FEZ2: variants seen among roughly 807,000 people sequenced by gnomAD.
FEZ2 encodes fasciculation and elongation protein zeta 2, also known as fasciculation and elongation protein zeta-2.
Under a neutral mutation model 40.4 loss-of-function variants are expected in FEZ2, and 51 were observed. That is an observed-to-expected ratio of 1.26 (90% CI 1.01 to 1.59). The LOEUF (loss-of-function observed/expected upper bound fraction) is 1.59, where lower values mean the gene tolerates loss of function less well. FEZ2 is among the 40% of genes most tolerant of loss of function. The probability of loss-of-function intolerance (pLI) is 0.00; values close to 1 mark genes in which losing one functional copy is unlikely to be tolerated. For synonymous variants in FEZ2, 242 were observed against 172.0 expected (o/e 1.41, Z -3.18); for missense variants, 640 against 438.3 (o/e 1.46, Z -4.11).
At chr2:36,564,456 A>G (rs747461281) in intron 5 of FEZ2, among the ~76,000 whole-genome samples, 1 of 152,192 alleles carries the variant, frequency 6.6e-6, no homozygotes, top group Non-Finnish European at 1.5e-5. Flanking sequence ...TTAGAGATTC[A>G]GAGTGAACAC....
At position 36,581,351 on chromosome 2, in the gene FEZ2, A is replaced by G. The variant is rs1668741437; in HGVS notation, c.573T>C (p.Leu191=). 2.5e-6 allele frequency: 4 copies of G among 1,613,640 alleles called. No individual in the cohort carries two copies. Among genetic ancestry groups the G allele is most frequent in the African/African-American group, 1.3e-5 (1 of 74,906 alleles). ...TTTGAATTTCCTGGGAAAGCATTGA[A>G]AGCCGATCTGACTGTGTAGGGGTTT... The part of the protein sequence containing the change: ...DDETPTQSDR[L]SMLSQEIQTL... The change falls in exon 4 of 8, where the codon CTT becomes CTC. Residue 191 remains leucine (L), a synonymous_variant. Transcript: ENST00000405912.
At position 36,580,139 on chromosome 2, in the gene FEZ2, C is replaced by G. The variant is rs1314333082; in HGVS notation, c.634+1151G>C. ...TATAAATTCCTGTTGTTTAAGCCAC[C>G]CACTCTGTGGTACTTTGTTCTGGCA... On this transcript the variant is annotated intron_variant, in intron 4 of 7. Transcript: ENST00000405912. Among the ~76,000 whole-genome samples, 2 of 152,168 alleles carry G rather than the reference C, an allele frequency of 1.3e-5. 1 individual carries two copies. Among genetic ancestry groups the G allele is most frequent in the Non-Finnish European group, 2.9e-5 (2 of 68,020 alleles).
At chr2:36,565,075 G>A (rs1379575633) in intron 5 of FEZ2, among the ~76,000 whole-genome samples, 1 of 152,166 alleles carries the variant, frequency 6.6e-6, no homozygotes, top group East Asian at 1.9e-4. Flanking sequence ...ATCTATGTTT[G>A]CCCTCGTCAA....
At chr2:36,575,506 G>C (rs1668543424) in intron 5 of FEZ2, among the ~76,000 whole-genome samples, 1 of 151,678 alleles carries the variant, frequency 6.6e-6, no homozygotes, top group Non-Finnish European at 1.5e-5. Context: ...AAGAACACCT[G>C]CCACAGGAAA....
chr2:36,579,124 T>C, intron 4 of FEZ2: 2 of 417,942 alleles, frequency 4.8e-6, no homozygotes, highest in South Asian at 5.4e-5. Flanking sequence ...CAAAAGTTTT[T>C]ACTTGTGCAA....
At chr2:36,553,600 A>G (rs1667879111) in intron 7 of FEZ2, among the ~76,000 whole-genome samples, 1 of 152,194 alleles carries the variant, frequency 6.6e-6, no homozygotes, top group Admixed American at 6.5e-5. Flanking sequence ...TACTACTGTC[A>G]AGGCAGCAGT....
intron 1 of FEZ2, among the ~76,000 whole-genome samples, chr2:36,592,290 T>C (rs1341697162): frequency 2.0e-5 from 3 of 152,110 alleles, no homozygotes; most frequent in Non-Finnish European, 4.4e-5. Context: ...TTTTTTTAAG[T>C]TCCGGGGTAC....
chr2:36,572,017 GAAAA>G (rs34787798), intron 5 of FEZ2, among the ~76,000 whole-genome samples: 64 of 110,110 alleles, frequency 5.8e-4, no homozygotes, highest in African/African-American at 1.9e-3. Flanking sequence ...TCCGTCTCAG[GAAAA>G]AAAAAAAAAA....
At chr2:36,555,774 GACA>G (rs762572178) in intron 6 of FEZ2, 26 bp from the exon 7 acceptor site, 42 of 1,388,272 alleles carry the variant, frequency 3.0e-5, no homozygotes, top group Admixed American at 1.3e-4. Context: ...GGGGAAAAAA[GACA>G]ACAATTAAAA....
At chr2:36,557,718 T>A (rs888410847) in intron 6 of FEZ2, 2 of 152,184 alleles carry the variant, frequency 1.3e-5, no homozygotes, top group Admixed American at 6.5e-5. Flanking sequence ...AGTTTTTCAA[T>A]GTAAGCAAAA....
At chr2:36,556,252 A>T (rs1285267702) in intron 6 of FEZ2, 2 of 220,614 alleles carry the variant, frequency 9.1e-6, no homozygotes, top group Non-Finnish European at 1.9e-5. Flanking sequence ...TGAAGAACAG[A>T]CTTCCATGAA....
In FEZ2 at chr2:36,580,429, C is replaced by G. The variant is rs187665101; in HGVS notation, c.634+861G>C. Among the ~76,000 whole-genome samples the G allele has an allele frequency of 2.3e-3, 344 of 152,304 alleles. 3 individuals are homozygous for G. Among genetic ancestry groups the G allele is most frequent in the African/African-American group, 7.9e-3 (330 of 41,568 alleles). On this transcript the variant is annotated intron_variant, in intron 4 of 7. Transcript: ENST00000405912. ...GAGCAGATACAGACCCCATCAGTGC[C>G]TATTCAAGGAAGGGACCAGTCATAT...
At chr2:36,578,509 C>T (rs995353588) in intron 5 of FEZ2, 88 bp downstream of exon 5, 2 of 1,370,548 alleles carry the variant, frequency 1.5e-6, no homozygotes, top group Non-Finnish European at 2.0e-6. Context: ...CCATGTACAA[C>T]CTGTCGCACC....
At chr2:36,596,716 C>T (rs1669235678) in intron 1 of FEZ2, among the ~76,000 whole-genome samples, 1 of 152,186 alleles carries the variant, frequency 6.6e-6, no homozygotes, top group Non-Finnish European at 1.5e-5. Context: ...CATCCTCCCA[C>T]CACAGCCTCT....
intron 5 of FEZ2, among the ~76,000 whole-genome samples, chr2:36,569,269 ATATTT>A (rs1255494326): frequency 6.6e-6 from 1 of 152,240 alleles, no homozygotes. Flanking sequence ...GGATAGAATA[ATATTT>A]TAGACACAAC....
intron 5 of FEZ2, among the ~76,000 whole-genome samples, chr2:36,572,655 G>T (rs1298180534): frequency 6.6e-6 from 1 of 152,166 alleles, no homozygotes; most frequent in Non-Finnish European, 1.5e-5. Context: ...TCATAAAACA[G>T]GTGAAGAGTT....
At chr2:36,566,004 A>C (rs1025266037) in intron 5 of FEZ2, among the ~76,000 whole-genome samples, 3 of 152,204 alleles carry the variant, frequency 2.0e-5, no homozygotes, top group African/African-American at 4.8e-5. Flanking sequence ...TTCATCATTC[A>C]ATCTGCAACC....
chr2:36,583,355 G>C lies in FEZ2; in HGVS notation c.490C>G (p.Gln164Glu). 6.6e-7 allele frequency: 1 copy of C among 1,520,024 alleles called. No homozygotes were observed. The highest frequency in any genetic ancestry group is 1.1e-5 in the South Asian group (1 of 89,270). The allele number at this position is 1,520,024 out of a possible 1,614,324, so 94.2% of individuals were successfully genotyped here. A position where few individuals can be genotyped will look rare whatever the true frequency, so the allele number is the denominator to read the frequency against. Residue 164 changes from glutamine to glutamate, a missense_variant and splice_region_variant, in exon 3 of 8, where the codon CAG (glutamine) becomes GAG (glutamate). Transcript: ENST00000405912. ...VNDEPLFTADQVIEEIEEMMQ... is the reference protein window; with the variant it reads ...VNDEPLFTADEVIEEIEEMMQ... The stretch of plus-strand genomic sequence containing the variant: ...GTTGCTGAGGATCTCCTCTATACCT[G>C]GTCTGCCGTGAAGAGGGGTTCATCA...
chr2:36,565,303 AACAG>A (rs1668205665), intron 5 of FEZ2, among the ~76,000 whole-genome samples: 1 of 152,198 alleles, frequency 6.6e-6, no homozygotes, highest in South Asian at 2.1e-4. Context: ...TCTCTTCCAA[AACAG>A]ACAAACCCAA....
Sources: allele counts gnomAD v4.1 joint callset (sites outside exome capture counted in the v4.1 genomes callset), GRCh38; gene constraint gnomAD v4.1.1; transcripts MANE v1.5; gene names NCBI Gene and HGNC (gene_info 2026-07-23, HGNC 2026-07-21).